The following UBXN7 variants were observed in gnomAD, a reference collection of about 807,000 sequenced individuals.
UBXN7 encodes the protein UBX domain protein 7, also known as UBX domain-containing protein 7.
In UBXN7, 9 loss-of-function variants were observed where a neutral mutation model predicts 58.0. That is an observed-to-expected ratio of 0.16 (90% CI 0.09 to 0.27). UBXN7 has a LOEUF of 0.27. Ranked by LOEUF, UBXN7 falls within the 10% of genes least tolerant of loss-of-function variation. UBXN7 has a pLI of 1.00. For missense variants in UBXN7, 328 were observed against 599.6 expected, an observed-to-expected ratio of 0.55 and a Z score of 4.73; for synonymous variants, 208 against 205.0, an observed-to-expected ratio of 1.01 and a Z score of -0.12.
In UBXN7 at chr3:196,371,912, T is replaced by C; in HGVS notation, c.599A>G (p.His200Arg). ...NEAVKNIIRE[H>R]FIFWQVYHDS... ...CCTTCTCACCTGCCAGAAAATGAAA[T>C]GTTCCCGGATAATATTCTTCACAGC... The change falls in exon 6 of 11, where the codon CAT becomes CGT. Residue 200 changes from histidine to arginine, a missense_variant. Around this residue, in one of 4 missense-constraint regions of UBXN7, gnomAD observed 126 missense variants for 302.6 expected, o/e 0.42. Coordinates refer to ENST00000296328, the MANE Select transcript of UBXN7 (RefSeq NM_015562.2). 6.2e-7 allele frequency: 1 copy of C among 1,609,712 alleles called. No individual in the cohort carries two copies. Among genetic ancestry groups the C allele is most frequent in the Non-Finnish European group, 8.5e-7 (1 of 1,178,838 alleles).
chr3:196,356,517 G>C lies in UBXN7; in HGVS notation c.*168C>G. 3.0e-6 allele frequency: 2 copies of C among 663,216 alleles called. No individual in the cohort carries two copies. Among genetic ancestry groups the C allele is most frequent in the Admixed American group, 3.7e-5 (1 of 27,178 alleles). The allele number at this position is 663,216 out of a possible 1,614,324, so 41.1% of individuals were successfully genotyped here. ...ACAGAAGAGGAGAAAGAAACAAAGG[G>C]GGAGAAAGAGACTGATTATAGGAGA... is the stretch of plus-strand genomic sequence containing the variant. On this transcript the variant is annotated 3_prime_UTR_variant, in exon 11 of 11. Transcript: ENST00000296328.
chr3:196,405,819 T>A (rs566892391), intron 2 of UBXN7, among the ~76,000 whole-genome samples: 2 of 152,314 alleles, frequency 1.3e-5, no homozygotes, highest in East Asian at 3.9e-4. Flanking sequence ...GGAGCCATTA[T>A]CAAATGTTAA....
At position 196,375,182 on chromosome 3, in the gene UBXN7, A is replaced by ACC. The variant is rs1364677735; in HGVS notation, c.469-3142_469-3141dup. On this transcript the variant is annotated intron_variant, in intron 5 of 10. Transcript: ENST00000296328. Reference sequence around the variant, plus strand: ...TGAGAGCAGATTATTAGGTGCTCTTACCACACACACACACACACACACACA... The same window carrying ACC: ...TGAGAGCAGATTATTAGGTGCTCTTACCCCACACACACACACACACACACACA... Among the ~76,000 whole-genome samples the ACC allele has an allele frequency of 8.0e-5, 8 of 100,142 alleles. No homozygotes were observed. The East Asian group carries it at 3.2e-3, about 40-fold the overall frequency. The allele number at this position is 100,142 out of a possible 152,430, so 65.7% of individuals were successfully genotyped here.
At chr3:196,406,450 A>AT (rs1245725932) in intron 2 of UBXN7, among the ~76,000 whole-genome samples, 1 of 151,290 alleles carries the variant, frequency 6.6e-6, no homozygotes, top group Non-Finnish European at 1.5e-5. Flanking sequence ...TATTTTTATT[A>AT]TTTTTTTGAG....
chr3:196,364,468 G>A (rs1334218797), intron 8 of UBXN7, among the ~76,000 whole-genome samples: 2 of 152,012 alleles, frequency 1.3e-5, no homozygotes, highest in Non-Finnish European at 2.9e-5. Flanking sequence ...ATTCAGATGT[G>A]ATGGGATACA....
At chr3:196,419,277 C>T (rs999833454) in intron 1 of UBXN7, among the ~76,000 whole-genome samples, 1 of 145,912 alleles carries the variant, frequency 6.9e-6, no homozygotes, top group Non-Finnish European at 1.5e-5. Context: ...GAGCAAGACC[C>T]TGTCTCTAAA....
rs117751498 is a variant in UBXN7 at position 196,391,753 on chromosome 3, A to C, written c.468+60T>G. 5.6e-3 allele frequency: 7,389 copies of C among 1,316,246 alleles called. 282 individuals are homozygous for C. The South Asian group carries it at 0.07, about 12-fold the overall frequency. 81.5% of individuals were successfully genotyped at this position (1,316,246 alleles called of 1,614,324 possible). ...GCTCTAAAACAAGTAATTTTTTAAA[A>C]AAAGGCATTGAAAATGCAAAAGGAT... On this transcript the variant is annotated intron_variant, in intron 5 of 10. Coordinates refer to ENST00000296328, the MANE Select transcript of UBXN7 (RefSeq NM_015562.2).
rs750291834 is a variant in UBXN7, at chr3:196,368,145, T to C, written c.717A>G (p.Leu239=). Reference sequence around the variant, plus strand: ...ATACATCTAACTGGTGCCATTCTACTAGCTTCTGACCTAAGGATTAAAAAC... The same window carrying C: ...ATACATCTAACTGGTGCCATTCTACCAGCTTCTGACCTAAGGATTAAAAAC... ...SILDPRTGQK[L]VEWHQLDVSS... The change falls in exon 8 of 11, where the codon CTA becomes CTG. Residue 239 remains leucine, a synonymous_variant. Transcript: ENST00000296328. 16 of 1,613,666 alleles carry C rather than the reference T, an allele frequency of 9.9e-6. No homozygotes were observed. In the Admixed American group the frequency reaches 2.3e-4, roughly 24 times the overall value.
At chr3:196,426,782 A>C (rs1730864073) in intron 1 of UBXN7, among the ~76,000 whole-genome samples, 1 of 151,588 alleles carries the variant, frequency 6.6e-6, no homozygotes, top group African/African-American at 2.4e-5. Context: ...CGGGAGGTGG[A>C]GGCTGCAGTG....
intron 1 of UBXN7, chr3:196,431,789 T>C (rs1731061126): frequency 4.6e-6 from 2 of 437,632 alleles, no homozygotes; most frequent in African/African-American, 2.0e-5. Context: ...CCCACCGGCC[T>C]TGCCGTGAAG....
At chr3:196,424,858 A>G (rs1433878834) in intron 1 of UBXN7, among the ~76,000 whole-genome samples, 1 of 151,826 alleles carries the variant, frequency 6.6e-6, no homozygotes, top group Non-Finnish European at 1.5e-5. Flanking sequence ...ACACACCACC[A>G]TGCCCGGCTA....
intron 1 of UBXN7, among the ~76,000 whole-genome samples, chr3:196,414,274 C>T (rs954195319): frequency 3.3e-5 from 5 of 152,202 alleles, no homozygotes; most frequent in Admixed American, 6.6e-5. Context: ...CAGGCATACG[C>T]CACTGCACCC....
rs1014614972 is a variant in UBXN7 at position 196,431,707 on chromosome 3, T to A, written c.73+620A>T. The A allele has an allele frequency of 6.9e-6, 3 of 433,296 alleles. No individual in the cohort carries two copies. The Admixed American group carries it at 7.5e-5, about 11-fold the overall frequency. 26.8% of individuals were successfully genotyped at this position (433,296 alleles called of 1,614,324 possible). On this transcript the variant is annotated intron_variant, in intron 1 of 10. Coordinates refer to ENST00000296328, the MANE Select transcript of UBXN7 (RefSeq NM_015562.2). Reference sequence around the variant, plus strand: ...CCTCATTCTTCCCTCAAAGCCTCAGTCCCTGAGGTCCTCCTCAGCACCCCC... The same window carrying A: ...CCTCATTCTTCCCTCAAAGCCTCAGACCCTGAGGTCCTCCTCAGCACCCCC...
intron 1 of UBXN7, chr3:196,431,764 A>G (rs1285823564): frequency 2.2e-6 from 1 of 447,300 alleles, no homozygotes; most frequent in East Asian, 7.6e-5. Context: ...CGTGAAGTGT[A>G]AAGGCACGGC....
intron 5 of UBXN7, among the ~76,000 whole-genome samples, chr3:196,372,326 C>CTCTCCTTT (rs1438586078): frequency 7.0e-6 from 1 of 143,154 alleles, no homozygotes; most frequent in Non-Finnish European, 1.5e-5. Flanking sequence ...CTCTCTCTCT[C>CTCTCCTTT]CTTTCTTTCT....
At chr3:196,407,551 T>C (rs190796622) in intron 1 of UBXN7, among the ~76,000 whole-genome samples, 158 bp from the exon 2 acceptor site, 62 of 152,130 alleles carry the variant, frequency 4.1e-4, no homozygotes, top group Non-Finnish European at 2.9e-5. Flanking sequence ...GAAAAAAATG[T>C]AGACATTCTT....
At position 196,347,728 on chromosome 3, in the gene UBXN7, A is replaced by T. The variant is rs1342057774; in HGVS notation, c.*8957T>A. 6.6e-6 allele frequency: 1 copy of T among 151,742 alleles called. No individual in the cohort carries two copies. Among genetic ancestry groups the T allele is most frequent in the Non-Finnish European group, 1.5e-5 (1 of 67,742 alleles). 9.4% of individuals were successfully genotyped at this position (151,742 alleles called of 1,614,324 possible). A position where few individuals can be genotyped will look rare whatever the true frequency, so the allele number is the denominator to read the frequency against. On this transcript the variant is annotated 3_prime_UTR_variant, in exon 11 of 11. Transcript: ENST00000296328. ...CAACAGGACATTTACATGTATTTAT[A>T]AAAAAATGCAGCAGTTGAATGTATA... is the stretch of plus-strand genomic sequence containing the variant.
intron 5 of UBXN7, among the ~76,000 whole-genome samples, chr3:196,389,780 C>A (rs1004573752): frequency 6.6e-6 from 1 of 152,132 alleles, no homozygotes; most frequent in Admixed American, 6.6e-5. Context: ...TCCTTTCTAG[C>A]AATGCAAGCA....
chr3:196,389,006 A>G (rs1480292389), intron 5 of UBXN7, among the ~76,000 whole-genome samples: 1 of 152,180 alleles, frequency 6.6e-6, no homozygotes, highest in Admixed American at 6.6e-5. Flanking sequence ...TCAGGGGACA[A>G]CATCAAAAGA....
Sources: allele counts gnomAD v4.1 joint callset (sites outside exome capture counted in the v4.1 genomes callset), GRCh38; gene constraint gnomAD v4.1.1; regional missense constraint gnomAD v4.1.1; transcripts MANE v1.5; gene names NCBI Gene and HGNC (gene_info 2026-07-23, HGNC 2026-07-21).